CTNNA2: variants seen among roughly 807,000 people sequenced by gnomAD.
The protein encoded by CTNNA2 is catenin alpha-2.
CTNNA2 carries 42 observed loss-of-function variants against 101.0 expected under a neutral mutation model. The observed-to-expected ratio is 0.42, with a 90% CI of 0.32 to 0.54. CTNNA2 has a LOEUF of 0.54. Among genes scored for constraint, CTNNA2 ranks in the 20% least tolerant of loss-of-function variants. The pLI is 0.14. For synonymous variants in CTNNA2, 450 were observed against 456.4 expected (o/e 0.99, Z 0.18); for missense variants, 871 against 1,223.1 (o/e 0.71, Z 4.29).
chr2:79,762,453 G>A (rs1226716397), intron 3 of CTNNA2, among the ~76,000 whole-genome samples: 6 of 152,224 alleles, frequency 3.9e-5, no homozygotes, highest in Admixed American at 3.3e-4. Flanking sequence ...ATGACATTGC[G>A]TAAAAGGTGT....
chr2:79,452,522 A>T, intron 4 of CTNNA2, among the ~76,000 whole-genome samples: 1 of 152,002 alleles, frequency 6.6e-6, no homozygotes, highest in Non-Finnish European at 1.5e-5. Flanking sequence ...GTTAAGAGAG[A>T]TTTTTTCTCC....
intron 6 of CTNNA2, among the ~76,000 whole-genome samples, chr2:79,887,726 A>T (rs1202142094): frequency 6.6e-6 from 1 of 152,200 alleles, no homozygotes; most frequent in Non-Finnish European, 1.5e-5. Context: ...GTGGAGACAA[A>T]CTTTTCCATC....
intron 7 of CTNNA2, among the ~76,000 whole-genome samples, chr2:79,924,902 G>A (rs977717510): frequency 2.6e-5 from 4 of 152,202 alleles, no homozygotes; most frequent in East Asian, 1.9e-4. Context: ...TTCATGTAAC[G>A]TAACTATAGA....
At chr2:79,505,618 A>G (rs1049412440) in intron 5 of CTNNA2, among the ~76,000 whole-genome samples, 4 of 152,302 alleles carry the variant, frequency 2.6e-5, no homozygotes, top group Admixed American at 1.3e-4. Flanking sequence ...GAATTTCTCA[A>G]CCAATGCCTG....
chr2:79,475,155 ATT>A (rs1011956574), intron 4 of CTNNA2, among the ~76,000 whole-genome samples: 1 of 148,784 alleles, frequency 6.7e-6, no homozygotes. Context: ...GCTCCCCATA[ATT>A]TTTTTTTTTA....
At chr2:79,343,190 AATAAT>A (rs1441109307) in intron 3 of CTNNA2, among the ~76,000 whole-genome samples, 1 of 152,224 alleles carries the variant, frequency 6.6e-6, no homozygotes, top group Non-Finnish European at 1.5e-5. Flanking sequence ...CAGTCATTAA[AATAAT>A]ATATTTGGAT....
intron 2 of CTNNA2, among the ~76,000 whole-genome samples, chr2:79,287,514 G>A (rs557561153): frequency 1.3e-4 from 20 of 150,740 alleles, no homozygotes; most frequent in Admixed American, 3.3e-4. Flanking sequence ...GTACCCGGCC[G>A]TGTGAGGTGT....
At chr2:80,481,655 G>A (rs2149500579) in intron 9 of CTNNA2, among the ~76,000 whole-genome samples, 1 of 152,164 alleles carries the variant, frequency 6.6e-6, no homozygotes, top group South Asian at 2.1e-4. Context: ...GTCTTATTCT[G>A]CTTCTTAGTA....
intron 8 of CTNNA2, among the ~76,000 whole-genome samples, chr2:80,412,566 G>C (rs139722818): frequency 2.7e-4 from 41 of 152,244 alleles, no homozygotes; most frequent in African/African-American, 9.6e-4. Context: ...TTCACCAAAA[G>C]GTGATTTGGT....
At chr2:79,211,141 T>C (rs763310725) in intron 2 of CTNNA2, among the ~76,000 whole-genome samples, 11 of 152,214 alleles carry the variant, frequency 7.2e-5, no homozygotes, top group Non-Finnish European at 1.5e-4. Flanking sequence ...GAGGAATCCA[T>C]GATTTTAAGT....
At chr2:80,264,176 C>T (rs927979934) in intron 7 of CTNNA2, among the ~76,000 whole-genome samples, 3 of 152,102 alleles carry the variant, frequency 2.0e-5, no homozygotes, top group Non-Finnish European at 4.4e-5. Flanking sequence ...TGGAGAACAT[C>T]AAATCCCTTG....
chr2:80,276,738 A>G (rs1673941350), intron 7 of CTNNA2, among the ~76,000 whole-genome samples: 1 of 152,072 alleles, frequency 6.6e-6, no homozygotes, highest in South Asian at 2.1e-4. Context: ...ATCTCACAGG[A>G]ACTAAGAATG....
intron 7 of CTNNA2, among the ~76,000 whole-genome samples, chr2:79,958,321 C>T (rs959435865): frequency 2.6e-5 from 4 of 151,386 alleles, no homozygotes; most frequent in African/African-American, 9.7e-5. Context: ...GAGTATGTTA[C>T]AGAAATCTTC....
intron 17 of CTNNA2, 124 bp downstream of exon 17, chr2:80,608,442 A>G: frequency 1.0e-6 from 1 of 960,558 alleles, no homozygotes; most frequent in Non-Finnish European, 1.5e-6. Context: ...GCTTTTTTTA[A>G]ATAAATGTTA....
intron 7 of CTNNA2, among the ~76,000 whole-genome samples, chr2:79,918,136 C>G (rs547045494): frequency 1.3e-3 from 199 of 152,264 alleles, no homozygotes; most frequent in Non-Finnish European, 2.1e-3. Flanking sequence ...CTCATTCCCC[C>G]ACTCACTGCC....
In CTNNA2 at chr2:79,870,634, G is replaced by A. The variant is rs953536078; in HGVS notation, c.585+699G>A. On this transcript the variant is annotated intron_variant, in intron 5 of 18. Coordinates refer to ENST00000402739, the MANE Select transcript of CTNNA2 (RefSeq NM_001282597.3). ...GAGACTGGGTAATTTCTAAAGAAAG[G>A]AGATTTAACTGACTCACAGTTCCAC... 3.3e-5 allele frequency among the ~76,000 whole-genome samples: 5 copies of A among 152,136 alleles called. No individual in the cohort carries two copies. The South Asian group carries it at 1.0e-3, about 32-fold the overall frequency.
chr2:79,888,697 G>A (rs1306951656), intron 6 of CTNNA2, among the ~76,000 whole-genome samples: 2 of 151,994 alleles, frequency 1.3e-5, no homozygotes, highest in African/African-American at 4.8e-5. Context: ...TTGAGGCAGC[G>A]AAAAATGTAA....
intron 7 of CTNNA2, among the ~76,000 whole-genome samples, chr2:80,325,513 G>T (rs1679158366): frequency 6.6e-6 from 1 of 152,022 alleles, no homozygotes; most frequent in Non-Finnish European, 1.5e-5. Context: ...GCTGTTTTTT[G>T]TTTTGTATTT....
intron 7 of CTNNA2, among the ~76,000 whole-genome samples, chr2:79,956,342 T>G (rs1384577103): frequency 6.6e-6 from 1 of 152,146 alleles, no homozygotes; most frequent in Non-Finnish European, 1.5e-5. Context: ...TTATGAATTT[T>G]GCGATTATAA....
Sources: allele counts gnomAD v4.1 joint callset (sites outside exome capture counted in the v4.1 genomes callset), GRCh38; gene constraint gnomAD v4.1.1; transcripts MANE v1.5; gene names NCBI Gene and HGNC (gene_info 2026-07-23, HGNC 2026-07-21).